CBLB: variants seen among roughly 807,000 people sequenced by gnomAD.
The protein encoded by CBLB is Cbl proto-oncogene B.
In CBLB, 31 loss-of-function variants were observed where a neutral mutation model predicts 104.9. That is an observed-to-expected ratio of 0.30 (90% CI 0.22 to 0.40). The LOEUF (loss-of-function observed/expected upper bound fraction) is 0.40. Ranked by LOEUF, CBLB falls within the 10% of genes least tolerant of loss-of-function variation. The pLI, the probability that CBLB is intolerant of heterozygous loss-of-function variation, is 1.00. For synonymous variants in CBLB, 440 were observed against 422.6 expected, an observed-to-expected ratio of 1.04 and a Z score of -0.51; for missense variants, 1,062 against 1,214.6, an observed-to-expected ratio of 0.87 and a Z score of 1.87.
intron 3 of CBLB, among the ~76,000 whole-genome samples, chr3:105,817,865 A>C (rs751658302): frequency 8.5e-5 from 13 of 152,326 alleles, no homozygotes; most frequent in Non-Finnish European, 1.9e-4. Context: ...AAAGCAAAGT[A>C]CATCATCACA....
intron 3 of CBLB, among the ~76,000 whole-genome samples, chr3:105,835,451 A>G (rs6770673): frequency 0.15 from 23,422 of 151,976 alleles, 2,226 homozygotes; most frequent in Middle Eastern, 0.33. Flanking sequence ...GAAATATTTA[A>G]ATCTTTAATT....
chr3:105,802,485 GC>G (rs2083002487), intron 3 of CBLB, among the ~76,000 whole-genome samples: 1 of 152,184 alleles, frequency 6.6e-6, no homozygotes. Flanking sequence ...TTGCATGGGT[GC>G]CAAAGATCAG....
At chr3:105,730,473 C>A (rs1490904470) in intron 9 of CBLB, among the ~76,000 whole-genome samples, 1 of 151,962 alleles carries the variant, frequency 6.6e-6, no homozygotes, top group Non-Finnish European at 1.5e-5. Flanking sequence ...TTTTACATTA[C>A]CTAGCATGCA....
intron 5 of CBLB, among the ~76,000 whole-genome samples, chr3:105,749,237 A>T (rs1289591224): frequency 6.6e-6 from 1 of 152,214 alleles, no homozygotes; most frequent in Non-Finnish European, 1.5e-5. Flanking sequence ...GATGAATCTC[A>T]GAAATACACG....
intron 4 of CBLB, among the ~76,000 whole-genome samples, chr3:105,773,173 T>C (rs528339835): frequency 1.3e-5 from 2 of 152,248 alleles, no homozygotes; most frequent in African/African-American, 2.4e-5. Flanking sequence ...AAAGAAAACA[T>C]GGCATATTTA....
intron 3 of CBLB, among the ~76,000 whole-genome samples, chr3:105,842,357 T>C (rs185051141): frequency 1.3e-4 from 20 of 152,342 alleles, no homozygotes; most frequent in Admixed American, 3.9e-4. Flanking sequence ...TCCTTGACAA[T>C]ATATTTTTAA....
chr3:105,828,246 C>G (rs988477795), intron 3 of CBLB, among the ~76,000 whole-genome samples: 2 of 152,116 alleles, frequency 1.3e-5, no homozygotes, highest in African/African-American at 4.8e-5. Context: ...TCCAATTCAT[C>G]AAAACTTGCT....
chr3:105,674,981 A>AATCACTAC (rs1182485004), intron 17 of CBLB, among the ~76,000 whole-genome samples: 1 of 152,182 alleles, frequency 6.6e-6, no homozygotes, highest in Non-Finnish European at 1.5e-5. Context: ...GCAATTTGAC[A>AATCACTAC]ATCACTACTA....
intron 5 of CBLB, 142 bp downstream of exon 5, chr3:105,751,318 TAC>T (rs2076567852): frequency 1.4e-6 from 1 of 717,426 alleles, no homozygotes; most frequent in African/African-American, 1.8e-5. Context: ...CCAATAAAAT[TAC>T]AGACTAATAG....
At position 105,681,527 on chromosome 3, in the gene CBLB, A is replaced by G. The variant is rs768518228; in HGVS notation, c.2380T>C (p.Ser794Pro). 6.2e-6 allele frequency: 10 copies of G among 1,614,124 alleles called. No homozygotes were observed. Among genetic ancestry groups the G allele is most frequent in the East Asian group, 4.5e-5 (2 of 44,872 alleles). ...PTRDNPKHGS[S>P]LNRTPSDYDL... is the part of the protein sequence containing the mutation. ...TAATCAGAGGGCGTCCTGTTGAGTGAAGAACCATGCTTTGGATTGTCCCGA... is the reference window on the plus strand; with the variant it reads ...TAATCAGAGGGCGTCCTGTTGAGTGGAGAACCATGCTTTGGATTGTCCCGA... The change falls in exon 16 of 19, where the codon TCA (serine) becomes CCA (proline). Residue 794 changes from serine (S) to proline (P), a missense_variant. By Grantham distance (74) the Ser-to-Pro change is moderately conservative. Transcript: ENST00000394030.
intron 16 of CBLB, among the ~76,000 whole-genome samples, chr3:105,680,294 A>C (rs2066156738): frequency 6.6e-6 from 1 of 151,506 alleles, no homozygotes; most frequent in African/African-American, 2.4e-5. Flanking sequence ...AGACCTAGAA[A>C]AAGGTCAAGG....
At chr3:105,835,753 CAA>C (rs2088384212) in intron 3 of CBLB, among the ~76,000 whole-genome samples, 1 of 152,150 alleles carries the variant, frequency 6.6e-6, no homozygotes, top group South Asian at 2.1e-4. Context: ...TGCAGTACAG[CAA>C]ATAAAGTCCT....
chr3:105,791,589 TC>T (rs771421080), intron 3 of CBLB, among the ~76,000 whole-genome samples: 3 of 152,204 alleles, frequency 2.0e-5, no homozygotes, highest in African/African-American at 4.8e-5. Flanking sequence ...CAAGAATAAA[TC>T]CCACTTGATT....
intron 3 of CBLB, among the ~76,000 whole-genome samples, chr3:105,791,747 C>A (rs2081664570): frequency 6.6e-6 from 1 of 152,206 alleles, no homozygotes; most frequent in South Asian, 2.1e-4. Flanking sequence ...GTCACACATA[C>A]ATGAATACAG....
intron 10 of CBLB, among the ~76,000 whole-genome samples, chr3:105,719,679 T>C (rs1277796553): frequency 2.0e-5 from 3 of 152,258 alleles, no homozygotes; most frequent in Non-Finnish European, 4.4e-5. Context: ...TGAATGTTAC[T>C]GGTTTATGTA....
At chr3:105,818,203 T>C (rs995113395) in intron 3 of CBLB, among the ~76,000 whole-genome samples, 1 of 152,294 alleles carries the variant, frequency 6.6e-6, no homozygotes, top group Admixed American at 6.5e-5. Flanking sequence ...TAATAAAATG[T>C]ATTTATAGGT....
At chr3:105,680,819 C>T (rs1576292489) in intron 16 of CBLB, among the ~76,000 whole-genome samples, 1 of 152,272 alleles carries the variant, frequency 6.6e-6, no homozygotes, top group African/African-American at 2.4e-5. Context: ...ATTCTGTCTT[C>T]TAAAAACAGG....
chr3:105,811,514 A>C (rs1014373687), intron 3 of CBLB, among the ~76,000 whole-genome samples: 1 of 152,310 alleles, frequency 6.6e-6, no homozygotes, highest in South Asian at 2.1e-4. Context: ...ATGCATAACT[A>C]GAGAAATATG....
At chr3:105,774,527 T>C (rs559691134) in intron 4 of CBLB, among the ~76,000 whole-genome samples, 1 of 152,176 alleles carries the variant, frequency 6.6e-6, no homozygotes, top group Non-Finnish European at 1.5e-5. Context: ...GCTTTCTCAA[T>C]TCAGTAAAAA....
Sources: gnomAD v4.1 joint callset for allele counts (sites outside exome capture counted in the v4.1 genomes callset) on GRCh38, gnomAD v4.1.1 for gene constraint, MANE v1.5 for transcripts, NCBI Gene and HGNC (gene_info 2026-07-23, HGNC 2026-07-21) for gene names.